The following COP1 variants were observed in gnomAD, a reference collection of about 807,000 sequenced individuals.
COP1 encodes COP1 E3 ubiquitin ligase, also known as E3 ubiquitin-protein ligase COP1.
In COP1, 24 loss-of-function variants were observed where a neutral mutation model predicts 101.3. The ratio of observed to expected loss-of-function variants is 0.24; its 90% CI spans 0.17 to 0.33. The LOEUF (loss-of-function observed/expected upper bound fraction) is 0.33. Among genes scored for constraint, COP1 ranks in the 10% least tolerant of loss-of-function variants. COP1 has a pLI of 1.00. For missense variants in COP1, 663 were observed against 906.2 expected (o/e 0.73, Z 3.45); for synonymous variants, 347 against 341.9 (o/e 1.01, Z -0.17).
intron 14 of COP1, among the ~76,000 whole-genome samples, chr1:176,038,886 C>A (rs1052777452): frequency 6.6e-6 from 1 of 150,926 alleles, no homozygotes; most frequent in Admixed American, 6.6e-5. Context: ...CAGGCCCATA[C>A]ACATCCCTTT....
At chr1:175,954,083 T>C (rs1192529954) in intron 18 of COP1, among the ~76,000 whole-genome samples, 3 of 151,952 alleles carry the variant, frequency 2.0e-5, no homozygotes, top group Admixed American at 6.6e-5. Context: ...AGGGCTAAAA[T>C]CATACAAGTA....
At chr1:176,095,579 G>A (rs183439383) in intron 9 of COP1, among the ~76,000 whole-genome samples, 1 of 152,152 alleles carries the variant, frequency 6.6e-6, no homozygotes, top group Non-Finnish European at 1.5e-5. Flanking sequence ...CTATTGGGGA[G>A]GCTGAGGTAA....
At chr1:175,961,695 C>T (rs1280835808) in intron 18 of COP1, among the ~76,000 whole-genome samples, 1 of 69,420 alleles carries the variant, frequency 1.4e-5, no homozygotes, top group Admixed American at 1.9e-4. Context: ...GACCCTGTCT[C>T]AAAAAAAAAA....
At chr1:175,955,937 G>A (rs2148511126) in intron 18 of COP1, among the ~76,000 whole-genome samples, 1 of 152,072 alleles carries the variant, frequency 6.6e-6, no homozygotes, top group Non-Finnish European at 1.5e-5. Context: ...TTATCTATAG[G>A]CTCAATGCAA....
At chr1:176,161,390 A>T (rs1694302047) in intron 5 of COP1, among the ~76,000 whole-genome samples, 1 of 152,096 alleles carries the variant, frequency 6.6e-6, no homozygotes, top group Admixed American at 6.6e-5. Context: ...AGAGTTTGAG[A>T]CTACTGTAGG....
intron 15 of COP1, among the ~76,000 whole-genome samples, chr1:176,014,611 G>A (rs1413284355): frequency 6.6e-6 from 1 of 151,936 alleles, no homozygotes; most frequent in East Asian, 1.9e-4. Flanking sequence ...AAATCTAAGG[G>A]TCCTAAATGA....
intron 15 of COP1, among the ~76,000 whole-genome samples, chr1:176,014,683 A>G (rs1419618703): frequency 1.3e-5 from 2 of 152,154 alleles, no homozygotes; most frequent in African/African-American, 2.4e-5. Flanking sequence ...TCAAAACTCT[A>G]TGTTGGCTTT....
At chr1:176,077,692 G>C (rs1167438455) in intron 11 of COP1, among the ~76,000 whole-genome samples, 2 of 152,070 alleles carry the variant, frequency 1.3e-5, no homozygotes, top group African/African-American at 4.8e-5. Flanking sequence ...CATCCAAATA[G>C]GAAAAGATTA....
At chr1:176,099,239 A>G (rs556608023) in intron 9 of COP1, among the ~76,000 whole-genome samples, 1 of 152,222 alleles carries the variant, frequency 6.6e-6, no homozygotes, top group East Asian at 1.9e-4. Context: ...CAGGTTTCTA[A>G]TAACTTTGGA....
intron 7 of COP1, among the ~76,000 whole-genome samples, chr1:176,135,356 A>C (rs1689635651): frequency 6.6e-6 from 1 of 151,790 alleles, no homozygotes; most frequent in African/African-American, 2.4e-5. Flanking sequence ...CACCACATGC[A>C]AAAAAAGATA....
chr1:176,102,166 C>A (rs912829074), intron 9 of COP1, among the ~76,000 whole-genome samples: 7 of 152,262 alleles, frequency 4.6e-5, no homozygotes, highest in East Asian at 3.9e-4. Flanking sequence ...GGAGCCTGGT[C>A]TCTCTTGTCC....
chr1:176,083,864 G>A (rs938446547), intron 10 of COP1, among the ~76,000 whole-genome samples: 3 of 152,140 alleles, frequency 2.0e-5, no homozygotes, highest in Non-Finnish European at 2.9e-5. Flanking sequence ...GCTAGCTAAC[G>A]TAAGATTCCT....
chr1:176,127,715 T>A (rs946474026), intron 8 of COP1, among the ~76,000 whole-genome samples: 2 of 152,144 alleles, frequency 1.3e-5, no homozygotes, highest in African/African-American at 4.8e-5. Flanking sequence ...ACAAAGAAGA[T>A]GGGACTTTTT....
chr1:175,996,199 C>A (rs190374834), intron 15 of COP1, among the ~76,000 whole-genome samples: 3 of 152,176 alleles, frequency 2.0e-5, no homozygotes, highest in Non-Finnish European at 1.5e-5. Context: ...ATTCAACAAC[C>A]CTTTGTGCTA....
chr1:176,123,651 T>C (rs960589805), intron 8 of COP1, among the ~76,000 whole-genome samples: 4 of 152,164 alleles, frequency 2.6e-5, no homozygotes, highest in Non-Finnish European at 5.9e-5. Context: ...AGAAACTTTA[T>C]CTGAGGTATT....
intron 15 of COP1, among the ~76,000 whole-genome samples, chr1:175,998,809 T>A (rs1431273823): frequency 2.0e-5 from 3 of 152,138 alleles, no homozygotes; most frequent in Non-Finnish European, 4.4e-5. Context: ...CTAGGTAGGA[T>A]AAGGTAAAGC....
At chr1:176,153,309 T>C (rs980172790) in intron 5 of COP1, among the ~76,000 whole-genome samples, 3 of 152,060 alleles carry the variant, frequency 2.0e-5, no homozygotes, top group Admixed American at 6.6e-5. Context: ...AATAAGGCAA[T>C]AAAAAATACT....
At position 176,156,751 on chromosome 1, in the gene COP1, A is replaced by T. The variant is rs188835376; in HGVS notation, c.762+6118T>A. On this transcript the variant is annotated intron_variant, in intron 5 of 19. Coordinates refer to ENST00000367669, the MANE Select transcript of COP1 (RefSeq NM_022457.7). ...AGGAGATGATTCATCCAGAAGATAT[A>T]AAAATTCTAAACATGTATGAGCTGC... 2.6e-3 allele frequency among the ~76,000 whole-genome samples: 400 copies of T among 152,344 alleles called. 3 individuals carry two copies. Among genetic ancestry groups the T allele is most frequent in the African/African-American group, 9.2e-3 (382 of 41,588 alleles).
In COP1 at chr1:175,962,586, C is replaced by T. The variant is rs114685224; in HGVS notation, c.2134-15347G>A. On this transcript the variant is annotated intron_variant, in intron 18 of 19. Transcript: ENST00000367669. ...GATATCCCCCACTATTCCAACCCAC[C>T]CCTGGCAGCTGATTCATGTAAAACT... 5.8e-3 allele frequency among the ~76,000 whole-genome samples: 889 copies of T among 152,174 alleles called. 12 individuals carry two copies. Among genetic ancestry groups the T allele is most frequent in the African/African-American group, 0.021 (852 of 41,500 alleles).
Sources: gnomAD v4.1 joint callset for allele counts (sites outside exome capture counted in the v4.1 genomes callset) on GRCh38, gnomAD v4.1.1 for gene constraint, MANE v1.5 for transcripts, NCBI Gene and HGNC (gene_info 2026-07-23, HGNC 2026-07-21) for gene names.